The following ERICH3 variants were observed in gnomAD, a reference collection of about 807,000 sequenced individuals.
ERICH3 encodes the protein glutamate rich 3, also known as glutamate-rich protein 3.
Under a neutral mutation model 131.1 loss-of-function variants are expected in ERICH3, and 126 were observed. The ratio of observed to expected loss-of-function variants is 0.96; its 90% CI spans 0.83 to 1.11. The LOEUF (loss-of-function observed/expected upper bound fraction) is 1.11. Ranked by LOEUF, ERICH3 falls within the 50% of genes most tolerant of loss-of-function variation. ERICH3 has a pLI of 0.00. For synonymous variants in ERICH3, 695 were observed against 644.6 expected, an observed-to-expected ratio of 1.08 and a Z score of -1.18; for missense variants, 2,050 against 1,810.7, an observed-to-expected ratio of 1.13 and a Z score of -2.40.
chr1:74,579,413 A>G (rs1647136307), intron 12 of ERICH3: 5 of 985,418 alleles, frequency 5.1e-6, no homozygotes, highest in Non-Finnish European at 6.0e-6. Context: ...CTCAGAAATG[A>G]TAGTGAAGCT....
At chr1:74,597,490 C>A (rs1647910004) in intron 11 of ERICH3, among the ~76,000 whole-genome samples, 1 of 151,862 alleles carries the variant, frequency 6.6e-6, no homozygotes, top group South Asian at 2.1e-4. Context: ...ATTTGTGAAC[C>A]AGCTATATGT....
chr1:74,578,499 A>G (rs967168674), intron 12 of ERICH3: 2 of 152,222 alleles, frequency 1.3e-5, no homozygotes, highest in Non-Finnish European at 2.9e-5. Context: ...CTTGTTAACA[A>G]AAGTTATTTC....
At chr1:74,596,823 G>A (rs1647873682) in intron 11 of ERICH3, among the ~76,000 whole-genome samples, 1 of 151,950 alleles carries the variant, frequency 6.6e-6, no homozygotes, top group African/African-American at 2.4e-5. Flanking sequence ...CTAAACCAGG[G>A]TCCTCTCTTA....
At chr1:74,582,319 T>C (rs1275601857) in intron 12 of ERICH3, among the ~76,000 whole-genome samples, 1 of 152,210 alleles carries the variant, frequency 6.6e-6, no homozygotes, top group Non-Finnish European at 1.5e-5. Context: ...TCCTGATGTC[T>C]TTCTCTAATT....
chr1:74,627,075 T>A (rs1002547729), intron 7 of ERICH3, among the ~76,000 whole-genome samples: 1 of 152,180 alleles, frequency 6.6e-6, no homozygotes, highest in Non-Finnish European at 1.5e-5. Context: ...CTTAAATGAA[T>A]CTTTTCTATA....
chr1:74,623,856 CA>C (rs1312987916), intron 7 of ERICH3: 5 of 152,312 alleles, frequency 3.3e-5, no homozygotes, highest in Middle Eastern at 3.4e-3. Flanking sequence ...TGCAATTTCT[CA>C]TGCTACATTT....
At chr1:74,624,524 T>C (rs1300616423) in intron 7 of ERICH3, 2 of 152,280 alleles carry the variant, frequency 1.3e-5, no homozygotes, top group Non-Finnish European at 2.9e-5. Context: ...TCATTTTCTT[T>C]TGGGCCATTT....
At chr1:74,590,434 T>C (rs1647537207) in intron 11 of ERICH3, among the ~76,000 whole-genome samples, 1 of 152,188 alleles carries the variant, frequency 6.6e-6, no homozygotes, top group African/African-American at 2.4e-5. Context: ...CCTGAGCTTG[T>C]TTTCCTGCAT....
chr1:74,653,599 A>G (rs985578538), intron 1 of ERICH3, among the ~76,000 whole-genome samples: 6 of 152,170 alleles, frequency 3.9e-5, no homozygotes, highest in Admixed American at 2.6e-4. Flanking sequence ...TCTCACATAC[A>G]TAGTCTCATC....
chr1:74,571,805 C>A lies in ERICH3; in HGVS notation c.3905G>T (p.Cys1302Phe), dbSNP rs1163988471. ...EDPEEEEDKE[C>F]TLETEAMQDR... The stretch of plus-strand genomic sequence containing the variant: ...CTGCATCGCTTCTGTCTCCAGAGTG[C>A]ACTCTTTGTCCTCTTCCTCCTCTGG... Residue 1302 changes from cysteine to phenylalanine, a missense_variant, in exon 14 of 15, where the codon TGC (cysteine) becomes TTC (phenylalanine). By Grantham distance (205) the Cys-to-Phe change is radical (BLOSUM62 -2). Transcript: ENST00000326665. The A allele has an allele frequency of 6.2e-7, 1 of 1,613,660 alleles. No individual in the cohort carries two copies. Among genetic ancestry groups the A allele is most frequent in the East Asian group, 2.2e-5 (1 of 44,868 alleles).
chr1:74,637,545 G>A (rs542773013), intron 5 of ERICH3, among the ~76,000 whole-genome samples: 2 of 152,228 alleles, frequency 1.3e-5, no homozygotes, highest in Middle Eastern at 3.4e-3. Context: ...AGACTATACT[G>A]CAGCAAATGC....
Position 74,649,316 on chromosome 1 carries a change from C to G in ERICH3, c.24-1G>C. The G allele has an allele frequency of 6.2e-7, 1 of 1,606,498 alleles. No individual in the cohort carries two copies. Among genetic ancestry groups the G allele is most frequent in the Non-Finnish European group, 8.5e-7 (1 of 1,176,334 alleles). The stretch of plus-strand genomic sequence containing the variant: ...AAGGCTATTATATGCAGCAAGTAAC[C>G]TAAAATACAAAAATAAAACCAATAA... On this transcript the variant is annotated splice_acceptor_variant, in intron 1 of 14. Transcript: ENST00000326665. LOFTEE classifies it high-confidence loss of function.
At chr1:74,658,127 T>C (rs560855532) in intron 1 of ERICH3, among the ~76,000 whole-genome samples, 2 of 152,280 alleles carry the variant, frequency 1.3e-5, no homozygotes, top group South Asian at 4.1e-4. Context: ...AACTAGTCCA[T>C]AACTAGTTAA....
intron 7 of ERICH3, among the ~76,000 whole-genome samples, chr1:74,628,725 G>A (rs544692106): frequency 1.5e-4 from 22 of 151,286 alleles, no homozygotes; most frequent in Admixed American, 7.9e-4. Context: ...ACACACTAAA[G>A]AAAATAAGAA....
chr1:74,627,762 A>G (rs1449564845), intron 7 of ERICH3, among the ~76,000 whole-genome samples: 1 of 152,164 alleles, frequency 6.6e-6, no homozygotes, highest in African/African-American at 2.4e-5. Context: ...TTGGAGATTT[A>G]CAACAATTTG....
chr1:74,576,847 G>T (rs376163694), intron 13 of ERICH3, 48 bp downstream of exon 13: 1,208 of 1,512,892 alleles, frequency 8.0e-4, no homozygotes, highest in Non-Finnish European at 1.0e-3. Context: ...TATGAGTCAT[G>T]GTCTGTTGGA....
intron 1 of ERICH3, among the ~76,000 whole-genome samples, chr1:74,652,014 C>A (rs148999932): frequency 3.5e-4 from 54 of 152,272 alleles, no homozygotes; most frequent in African/African-American, 1.3e-3. Flanking sequence ...TACACATCAT[C>A]TTTTCCTATT....
chr1:74,667,752 A>G (rs1006608433), intron 1 of ERICH3, among the ~76,000 whole-genome samples: 5 of 152,140 alleles, frequency 3.3e-5, no homozygotes, highest in Non-Finnish European at 7.4e-5. Context: ...TTCTCAGCAG[A>G]GACTGAGAGA....
Position 74,589,805 on chromosome 1 carries a change from C to T in ERICH3, c.2002G>A (p.Val668Ile), listed in dbSNP as rs1022901755. The change falls in exon 12 of 15, where the codon GTT (valine) becomes ATT (isoleucine). Residue 668 changes from valine (V) to isoleucine (I), a missense_variant. Val to Ile is a conservative substitution (Grantham distance 29). Transcript: ENST00000326665. ...CCTTTCTCCGTTCCTTCTTTAAGAA[C>T]ATTCTCAAAGCTTTCGTCTATTGGC... ...PMPIDESFENVLKEGTEKGTQ... is the reference protein window; with the variant it reads ...PMPIDESFENILKEGTEKGTQ... The T allele has an allele frequency of 3.7e-6, 6 of 1,614,104 alleles. No individual in the cohort carries two copies. The highest frequency in any genetic ancestry group is 5.1e-6 in the Non-Finnish European group (6 of 1,179,986).
Sources: allele counts gnomAD v4.1 joint callset (sites outside exome capture counted in the v4.1 genomes callset), GRCh38; gene constraint gnomAD v4.1.1; transcripts MANE v1.5; gene names NCBI Gene and HGNC (gene_info 2026-07-23, HGNC 2026-07-21).